Variants in NHSL1 observed in about 807,000 individuals in gnomAD.
NHSL1 encodes the protein NHS like 1, also known as NHS-like protein 1.
A neutral mutation model predicts 95.0 loss-of-function variants in NHSL1; 48 were observed. The ratio of observed to expected loss-of-function variants is 0.51; its 90% CI spans 0.40 to 0.64. The LOEUF is 0.64. Among genes scored for constraint, NHSL1 ranks in the 30% least tolerant of loss-of-function variants. The probability of loss-of-function intolerance (pLI) is 0.00; values close to 1 mark genes in which losing one functional copy is unlikely to be tolerated. For missense variants in NHSL1, 1,971 were observed against 2,077.7 expected, an observed-to-expected ratio of 0.95 and a Z score of 1.00; for synonymous variants, 783 against 833.9, an observed-to-expected ratio of 0.94 and a Z score of 1.05.
At chr6:138,625,641 TAAAA>T (rs57534545) in intron 1 of NHSL1, among the ~76,000 whole-genome samples, 5,900 of 138,748 alleles carry the variant, frequency 0.043, 427 homozygotes, top group African/African-American at 0.14. Context: ...CTTTTTTAAT[TAAAA>T]AAAAAAAAAA....
At chr6:138,526,734 T>C (rs1781922057) in intron 1 of NHSL1, among the ~76,000 whole-genome samples, 1 of 152,190 alleles carries the variant, frequency 6.6e-6, no homozygotes, top group South Asian at 2.1e-4. Flanking sequence ...GCTTACTAAT[T>C]TCCCTCTGCA....
intron 2 of NHSL1, among the ~76,000 whole-genome samples, chr6:138,489,001 A>C (rs1390415182): frequency 6.6e-6 from 1 of 152,196 alleles, no homozygotes; most frequent in Non-Finnish European, 1.5e-5. Flanking sequence ...GTGAGTGGCG[A>C]AAGGCATCTT....
At chr6:138,643,042 A>G (rs1447438312) in intron 1 of NHSL1, among the ~76,000 whole-genome samples, 1 of 152,224 alleles carries the variant, frequency 6.6e-6, no homozygotes, top group South Asian at 2.1e-4. Context: ...AACAGCAGGT[A>G]GAAGACATCT....
intron 4 of NHSL1, among the ~76,000 whole-genome samples, chr6:138,443,894 A>G (rs796391956): frequency 6.6e-5 from 10 of 152,340 alleles, no homozygotes; most frequent in African/African-American, 2.2e-4. Flanking sequence ...TAGACAAAAG[A>G]TAAAATCACC....
chr6:138,649,497 T>C (rs762059013), intron 1 of NHSL1, among the ~76,000 whole-genome samples: 12 of 151,438 alleles, frequency 7.9e-5, no homozygotes, highest in Non-Finnish European at 1.8e-4. Flanking sequence ...TTGCAGGAGA[T>C]GGGGTCAAAT....
At chr6:138,647,623 G>C (rs1318362574) in intron 1 of NHSL1, among the ~76,000 whole-genome samples, 1 of 137,784 alleles carries the variant, frequency 7.3e-6, no homozygotes, top group South Asian at 2.3e-4. Context: ...TTTTTTTTGA[G>C]ATGGAGACTC....
At chr6:138,427,598 A>C (rs1775348765) in intron 7 of NHSL1, among the ~76,000 whole-genome samples, 1 of 152,212 alleles carries the variant, frequency 6.6e-6, no homozygotes, top group Non-Finnish European at 1.5e-5. Context: ...TTTTTAATGA[A>C]GAGAGCTATA....
chr6:138,629,956 CAA>C (rs1470366368), intron 1 of NHSL1, among the ~76,000 whole-genome samples: 2 of 152,188 alleles, frequency 1.3e-5, no homozygotes, highest in East Asian at 3.9e-4. Flanking sequence ...GTAGACAAAC[CAA>C]AGTTTTGATT....
chr6:138,424,148 C>T lies in NHSL1; in HGVS notation c.4754G>A (p.Gly1585Glu). ...CTCTCTGCCCTCTGCACTGGCTGTC[C>T]CATCCACAGGGCCGGGGGCCTGGGG... ...LQPQAPGPVD[G>E]TASAEGREPS... The change falls in exon 8 of 8, where the codon GGG (glycine) becomes GAG (glutamate). Residue 1585 changes from glycine (G) to glutamate (E), a missense_variant. By Grantham distance (98) the Gly-to-Glu change is moderately conservative. Coordinates refer to ENST00000343505, the MANE Select transcript of NHSL1 (RefSeq NM_001144060.2). The surrounding 1 kb of genome is among the most constrained non-coding windows in gnomAD (Gnocchi z 5.9). 3 of 1,441,962 alleles carry T rather than the reference C, an allele frequency of 2.1e-6. No individual in the cohort carries two copies. The highest frequency in any genetic ancestry group is 2.7e-6 in the Non-Finnish European group (3 of 1,100,488). The allele number at this position is 1,441,962 out of a possible 1,614,324, so 89.3% of individuals were successfully genotyped here.
intron 1 of NHSL1, among the ~76,000 whole-genome samples, chr6:138,675,776 CA>C (rs1785441237): frequency 6.6e-6 from 1 of 152,160 alleles, no homozygotes; most frequent in African/African-American, 2.4e-5. Context: ...TCAGGTGATT[CA>C]CCTGCTTTGG....
At chr6:138,569,326 G>T (rs72975253) in intron 1 of NHSL1, among the ~76,000 whole-genome samples, 12,920 of 151,996 alleles carry the variant, frequency 0.085, 524 homozygotes, top group Middle Eastern at 0.14. Context: ...CGAGAGAGTG[G>T]GGAGGAGGGA....
Position 138,424,139 on chromosome 6 carries a change from C to A in NHSL1, c.4763G>T (p.Ser1588Ile). ...TGGGGAGGGCTCTCTGCCCTCTGCA[C>A]TGGCTGTCCCATCCACAGGGCCGGG... ...QAPGPVDGTA[S>I]AEGREPSPQC... Residue 1588 changes from serine to isoleucine, a missense_variant, in exon 8 of 8, where the codon AGT (serine) becomes ATT (isoleucine). Around this residue, in one of 3 missense-constraint regions of NHSL1, gnomAD observed 223 missense variants for 217.0 expected, o/e 1.03. Coordinates refer to ENST00000343505, the MANE Select transcript of NHSL1 (RefSeq NM_001144060.2). The surrounding 1 kb of genome is among the most constrained non-coding windows in gnomAD (Gnocchi z 5.9). 1 of 1,437,356 alleles carries A rather than the reference C, an allele frequency of 7.0e-7. No homozygotes were observed. Among genetic ancestry groups the A allele is most frequent in the Non-Finnish European group, 9.1e-7 (1 of 1,097,896 alleles). 89.0% of individuals were successfully genotyped at this position (1,437,356 alleles called of 1,614,324 possible).
intron 1 of NHSL1, among the ~76,000 whole-genome samples, chr6:138,523,664 G>C (rs1781786756): frequency 8.0e-6 from 1 of 125,566 alleles, no homozygotes. Flanking sequence ...AGAGCTAAAA[G>C]CTCCAGGAAT....
At chr6:138,616,002 C>A (rs1402396703) in intron 1 of NHSL1, among the ~76,000 whole-genome samples, 2 of 152,152 alleles carry the variant, frequency 1.3e-5, no homozygotes, top group Non-Finnish European at 2.9e-5. Flanking sequence ...CCAGCCTGGG[C>A]AACATAGCAA....
chr6:138,575,976 T>TATTC (rs1407655604), upstream of NHSL1, among the ~76,000 whole-genome samples: 1 of 148,522 alleles, frequency 6.7e-6, no homozygotes, highest in Admixed American at 6.8e-5. Context: ...TTTATTTATT[T>TATTC]ATTTATTTAT....
At chr6:138,686,889 G>A (rs978872829) in intron 1 of NHSL1, among the ~76,000 whole-genome samples, 2 of 152,164 alleles carry the variant, frequency 1.3e-5, no homozygotes, top group African/African-American at 4.8e-5. Context: ...TTTAACGAAA[G>A]TTCCAAGCAG....
chr6:138,613,408 G>A (rs959104214), intron 1 of NHSL1, among the ~76,000 whole-genome samples: 7 of 152,190 alleles, frequency 4.6e-5, no homozygotes, highest in Admixed American at 1.3e-4. Flanking sequence ...GCCTGGGTCC[G>A]AGAGTGTGAG....
intron 3 of NHSL1, among the ~76,000 whole-genome samples, chr6:138,460,851 A>G (rs1777948865): frequency 6.6e-6 from 1 of 151,414 alleles, no homozygotes; most frequent in African/African-American, 2.4e-5. Context: ...CACTCCTGTT[A>G]TCACTCCTGG....
chr6:138,663,607 C>T (rs143641742), intron 1 of NHSL1, among the ~76,000 whole-genome samples: 192 of 150,238 alleles, frequency 1.3e-3, no homozygotes, highest in African/African-American at 4.5e-3. Flanking sequence ...CGGTGGCTCA[C>T]GCCTGCAATC....
Sources: gnomAD v4.1 joint callset for allele counts (sites outside exome capture counted in the v4.1 genomes callset) on GRCh38, gnomAD v4.1.1 for gene constraint, gnomAD v4.1.1 regional missense constraint, Gnocchi (gnomAD v3.1) non-coding constraint, MANE v1.5 for transcripts, NCBI Gene and HGNC (gene_info 2026-07-23, HGNC 2026-07-21) for gene names.